Variants in RAB28 observed in about 807,000 individuals in gnomAD.
The protein encoded by RAB28 is ras-related protein Rab-28.
A neutral mutation model predicts 31.7 loss-of-function variants in RAB28; 24 were observed. That is an observed-to-expected ratio of 0.76 (90% CI 0.55 to 1.06). The LOEUF is 1.06. Among genes scored for constraint, RAB28 ranks in the 50% least tolerant of loss-of-function variants. The pLI is 0.00. For synonymous variants in RAB28, 100 were observed against 90.4 expected (o/e 1.11, Z -0.60); for missense variants, 254 against 258.5 (o/e 0.98, Z 0.12).
chr4:13,437,452 T>C (rs936168845), intron 4 of RAB28, among the ~76,000 whole-genome samples: 1 of 152,018 alleles, frequency 6.6e-6, no homozygotes, highest in African/African-American at 2.4e-5. Flanking sequence ...AGAAAATACC[T>C]GCAAACTATG....
intron 4 of RAB28, among the ~76,000 whole-genome samples, chr4:13,411,765 G>A (rs1372322998): frequency 6.6e-6 from 1 of 151,676 alleles, no homozygotes; most frequent in Non-Finnish European, 1.5e-5. Flanking sequence ...GGAAAAATAA[G>A]TTTTTAAAAT....
At chr4:13,422,800 A>G (rs1713241607) in intron 4 of RAB28, among the ~76,000 whole-genome samples, 1 of 152,110 alleles carries the variant, frequency 6.6e-6, no homozygotes, top group Non-Finnish European at 1.5e-5. Flanking sequence ...CCTAATGTAA[A>G]TGACGAGTTA....
intron 1 of RAB28, among the ~76,000 whole-genome samples, chr4:13,479,748 T>G (rs1386900819): frequency 6.6e-6 from 1 of 151,554 alleles, no homozygotes. Context: ...ATGAGTTAGA[T>G]CTCTTTAAAT....
intron 4 of RAB28, among the ~76,000 whole-genome samples, chr4:13,405,261 C>T (rs1034107862): frequency 2.0e-5 from 3 of 152,112 alleles, no homozygotes; most frequent in African/African-American, 7.2e-5. Flanking sequence ...CTTTGAAACA[C>T]ATATAGCACA....
intron 4 of RAB28, among the ~76,000 whole-genome samples, chr4:13,426,090 G>A (rs1045340916): frequency 1.3e-5 from 2 of 152,114 alleles, no homozygotes; most frequent in Non-Finnish European, 2.9e-5. Context: ...TATCTCTGGA[G>A]ATTTAAACTT....
chr4:13,423,725 C>T (rs1713309330), intron 4 of RAB28, among the ~76,000 whole-genome samples: 1 of 152,076 alleles, frequency 6.6e-6, no homozygotes, highest in African/African-American at 2.4e-5. Context: ...AGCTTGCCAA[C>T]CCCTGCTCTA....
intron 4 of RAB28, among the ~76,000 whole-genome samples, chr4:13,431,102 G>A (rs1013076618): frequency 1.3e-5 from 2 of 152,176 alleles, no homozygotes; most frequent in Non-Finnish European, 2.9e-5. Context: ...TTCACAAAGG[G>A]CGAGCTGAAC....
At chr4:13,417,694 C>T (rs1454784737) in intron 4 of RAB28, among the ~76,000 whole-genome samples, 1 of 152,152 alleles carries the variant, frequency 6.6e-6, no homozygotes, top group Non-Finnish European at 1.5e-5. Flanking sequence ...CAGAAAGGAA[C>T]AGCATCAACA....
At chr4:13,424,031 G>C (rs978015568) in intron 4 of RAB28, among the ~76,000 whole-genome samples, 2 of 152,046 alleles carry the variant, frequency 1.3e-5, no homozygotes, top group Non-Finnish European at 2.9e-5. Flanking sequence ...TTAAAAATAG[G>C]CTAAAAACAT....
chr4:13,383,997 C>A (rs1269374285), intron 4 of RAB28, among the ~76,000 whole-genome samples: 3 of 152,208 alleles, frequency 2.0e-5, no homozygotes, highest in African/African-American at 7.2e-5. Flanking sequence ...TACCTCTGCA[C>A]TGGTGCACTG....
intron 4 of RAB28, among the ~76,000 whole-genome samples, chr4:13,444,534 A>G (rs906137174): frequency 1.3e-5 from 2 of 152,224 alleles, no homozygotes; most frequent in African/African-American, 2.4e-5. Context: ...CTTTAAATAT[A>G]TAACTAGAAC....
chr4:13,461,719 C>T (rs1043819682), intron 3 of RAB28, among the ~76,000 whole-genome samples: 1 of 152,082 alleles, frequency 6.6e-6, no homozygotes, highest in African/African-American at 2.4e-5. Context: ...AAATAACTAC[C>T]ACATTCTTGA....
intron 4 of RAB28, among the ~76,000 whole-genome samples, chr4:13,394,663 A>G (rs1729792643): frequency 1.3e-5 from 2 of 152,242 alleles, no homozygotes; most frequent in East Asian, 1.9e-4. Context: ...ACGGAGTACA[A>G]TTGAGGAAAA....
chr4:13,422,683 C>T (rs1019303222), intron 4 of RAB28, among the ~76,000 whole-genome samples: 3 of 149,180 alleles, frequency 2.0e-5, no homozygotes, highest in South Asian at 2.2e-4. Context: ...GCTCACTCAT[C>T]GGTGGGAATT....
At chr4:13,409,770 T>C (rs1402980006) in intron 4 of RAB28, among the ~76,000 whole-genome samples, 1 of 152,178 alleles carries the variant, frequency 6.6e-6, no homozygotes, top group Non-Finnish European at 1.5e-5. Flanking sequence ...ACCAGAACAA[T>C]ACAGATGAAG....
chr4:13,463,887 T>C (rs1347342696), intron 3 of RAB28, among the ~76,000 whole-genome samples: 2 of 151,728 alleles, frequency 1.3e-5, no homozygotes, highest in East Asian at 3.9e-4. Flanking sequence ...AGCTCTGACA[T>C]GTAAAAAAAA....
At chr4:13,480,404 T>G (rs1483884868) in intron 1 of RAB28, among the ~76,000 whole-genome samples, 1 of 151,922 alleles carries the variant, frequency 6.6e-6, no homozygotes, top group Non-Finnish European at 1.5e-5. Flanking sequence ...CACTAAGCTT[T>G]TATGCTCTTC....
At chr4:13,398,777 CAA>C (rs869245506) in intron 4 of RAB28, among the ~76,000 whole-genome samples, 1,787 of 74,714 alleles carry the variant, frequency 0.024, 9 homozygotes, top group Non-Finnish European at 0.036. Context: ...GACTCCGTTT[CAA>C]AAAAAAAAAA....
At chr4:13,432,632 AT>A (rs1713876266) in intron 4 of RAB28, among the ~76,000 whole-genome samples, 1 of 152,206 alleles carries the variant, frequency 6.6e-6, no homozygotes, top group Non-Finnish European at 1.5e-5. Flanking sequence ...ACTGGGGCCT[AT>A]TTTTAGACTT....
Sources: allele counts gnomAD v4.1 joint callset (sites outside exome capture counted in the v4.1 genomes callset), GRCh38; gene constraint gnomAD v4.1.1; transcripts MANE v1.5; gene names NCBI Gene and HGNC (gene_info 2026-07-23, HGNC 2026-07-21).